STAC: variants seen among roughly 807,000 people sequenced by gnomAD.
The protein encoded by STAC is SH3 and cysteine-rich domain-containing protein.
In STAC, 43 loss-of-function variants were observed where a neutral mutation model predicts 48.8. The ratio of observed to expected loss-of-function variants is 0.88; its 90% CI spans 0.69 to 1.14. The LOEUF is 1.14. STAC is among the 50% of genes most tolerant of loss of function. The pLI, the probability that STAC is intolerant of heterozygous loss-of-function variation, is 0.00. For synonymous variants in STAC, 193 were observed against 179.5 expected, an observed-to-expected ratio of 1.07 and a Z score of -0.60; for missense variants, 497 against 504.0, an observed-to-expected ratio of 0.99 and a Z score of 0.13.
intron 8 of STAC, among the ~76,000 whole-genome samples, chr3:36,516,261 C>T (rs111235138): frequency 0.077 from 11,626 of 151,968 alleles, 641 homozygotes; most frequent in African/African-American, 0.14. Context: ...GTATTACAGG[C>T]GCGAACCACC....
intron 2 of STAC, among the ~76,000 whole-genome samples, chr3:36,456,143 G>C (rs1696849762): frequency 6.6e-6 from 1 of 151,882 alleles, no homozygotes; most frequent in South Asian, 2.1e-4. Context: ...TGGTTTAAAG[G>C]GTTCATATCC....
At chr3:36,425,861 T>C (rs112295222) in intron 1 of STAC, among the ~76,000 whole-genome samples, 2 of 152,150 alleles carry the variant, frequency 1.3e-5, no homozygotes, top group African/African-American at 4.8e-5. Flanking sequence ...ACCCTGTCTC[T>C]ACCAAAAATA....
At chr3:36,545,432 A>G (rs1699422895) in intron 10 of STAC, among the ~76,000 whole-genome samples, 1 of 152,098 alleles carries the variant, frequency 6.6e-6, no homozygotes, top group African/African-American at 2.4e-5. Context: ...TGTACAAGGA[A>G]CCCTGTGTCA....
At chr3:36,448,044 T>C (rs968561578) in intron 2 of STAC, among the ~76,000 whole-genome samples, 2 of 152,172 alleles carry the variant, frequency 1.3e-5, no homozygotes, top group Non-Finnish European at 2.9e-5. Context: ...GCTACTTTAC[T>C]ACTACAGGAC....
chr3:36,380,636 C>A lies in STAC; in HGVS notation c.-8C>A, dbSNP rs748054421. On this transcript the variant is annotated 5_prime_UTR_variant, in exon 1 of 11. Transcript: ENST00000273183. ...CCGGGAGCCCAACACCGTTCCCGCG[C>A]GGCCACGATGATCCCTCCGAGCAGC... 1.3e-6 allele frequency: 2 copies of A among 1,577,486 alleles called. No homozygotes were observed. Among genetic ancestry groups the A allele is most frequent in the Non-Finnish European group, 1.7e-6 (2 of 1,160,428 alleles).
chr3:36,431,908 G>A (rs1178671384), intron 1 of STAC, among the ~76,000 whole-genome samples: 1 of 152,076 alleles, frequency 6.6e-6, no homozygotes, highest in Non-Finnish European at 1.5e-5. Flanking sequence ...GTAGAAAAAA[G>A]GGCTATTATT....
intron 1 of STAC, among the ~76,000 whole-genome samples, chr3:36,398,649 AGAGAAAGAAAGGAAGGAAGGAAG>A (rs1699934902): frequency 8.8e-6 from 1 of 114,246 alleles, no homozygotes; most frequent in African/African-American, 3.1e-5. Flanking sequence ...AAAGAAAGAA[AGAGAAAGAAAGGAAGGAAGGAAG>A]GAAAGAAAGA....
At chr3:36,511,409 G>T (rs181553543) in intron 8 of STAC, among the ~76,000 whole-genome samples, 5 of 152,260 alleles carry the variant, frequency 3.3e-5, no homozygotes, top group African/African-American at 1.2e-4. Context: ...TCAAGGAAAA[G>T]ACTTCTGCTT....
chr3:36,400,923 A>T (rs1699988566), intron 1 of STAC, among the ~76,000 whole-genome samples: 1 of 152,206 alleles, frequency 6.6e-6, no homozygotes, highest in Non-Finnish European at 1.5e-5. Flanking sequence ...GGATGGCCAG[A>T]ATTAATTCAT....
Position 36,533,475 on chromosome 3 carries a change from G to GTTTTTTT in STAC, c.1110+4511_1110+4517dup, listed in dbSNP as rs58981589. Among the ~76,000 whole-genome samples the GTTTTTTT allele has an allele frequency of 8.1e-5, 5 of 61,430 alleles. 1 individual carries two copies. Among genetic ancestry groups the GTTTTTTT allele is most frequent in the African/African-American group, 3.2e-4 (5 of 15,604 alleles). The allele number at this position is 61,430 out of a possible 152,430, so 40.3% of individuals were successfully genotyped here. On this transcript the variant is annotated intron_variant, in intron 10 of 10. Transcript: ENST00000273183. ...TGTTACTCAATAATCTTGCTAGCAT[G>GTTTTTTT]TTTTTTTTTTTTTTTTTTTTTTTTT... is the stretch of plus-strand genomic sequence containing the variant.
At chr3:36,505,895 G>T in intron 8 of STAC, 61 bp downstream of exon 8, 1 of 1,170,902 alleles carries the variant, frequency 8.5e-7, no homozygotes, top group South Asian at 1.4e-5. Context: ...TTCTCCATGT[G>T]AAAAAGTAAG....
chr3:36,512,218 A>G (rs1381455407), intron 8 of STAC, among the ~76,000 whole-genome samples: 1 of 152,180 alleles, frequency 6.6e-6, no homozygotes, highest in Admixed American at 6.6e-5. Context: ...ACAGTCTAGC[A>G]TAATCAGTGG....
intron 8 of STAC, 72 bp downstream of exon 8, chr3:36,505,906 T>C (rs1302272928): frequency 2.0e-6 from 2 of 1,020,524 alleles, no homozygotes; most frequent in Non-Finnish European, 2.9e-6. Context: ...AAAAAGTAAG[T>C]CCATCTGTGC....
intron 1 of STAC, among the ~76,000 whole-genome samples, chr3:36,400,861 T>C (rs73056094): frequency 0.023 from 3,550 of 152,284 alleles, 60 homozygotes; most frequent in East Asian, 0.026. Context: ...GGCTTGTCTG[T>C]AGATATTCCC....
intron 1 of STAC, among the ~76,000 whole-genome samples, chr3:36,405,978 C>T (rs1370021662): frequency 2.6e-5 from 4 of 152,206 alleles, no homozygotes; most frequent in Non-Finnish European, 5.9e-5. Flanking sequence ...ATGCCTCAGC[C>T]TCCCAAAGTT....
In STAC at chr3:36,453,755, AGCTGGG is replaced by A. The variant is rs1189084303; in HGVS notation, c.388+10116_388+10121del. 4.1e-3 allele frequency among the ~76,000 whole-genome samples: 115 copies of A among 28,068 alleles called. 51 individuals carry two copies. The highest frequency in any genetic ancestry group is 0.029 in the Middle Eastern group (2 of 70). 18.4% of individuals were successfully genotyped at this position (28,068 alleles called of 152,430 possible). A position where few individuals can be genotyped will look rare whatever the true frequency, so the allele number is the denominator to read the frequency against. On this transcript the variant is annotated intron_variant, in intron 2 of 10. Transcript: ENST00000273183. ...GGTGCGGGATCCACTGGGTGAAGCC[AGCTGGG>A]CTCCTGAGTCTGGTGGGGACGTGGA...
intron 1 of STAC, among the ~76,000 whole-genome samples, chr3:36,392,832 C>G (rs564692019): frequency 2.6e-5 from 4 of 152,188 alleles, no homozygotes; most frequent in Admixed American, 2.6e-4. Context: ...TCAGCAGTCA[C>G]CTCCCAATCC....
intron 2 of STAC, among the ~76,000 whole-genome samples, chr3:36,475,926 G>A (rs1464398257): frequency 6.6e-6 from 1 of 152,200 alleles, no homozygotes; most frequent in South Asian, 2.1e-4. Context: ...TGGGAGGTTG[G>A]AGAGTTCTAG....
intron 8 of STAC, among the ~76,000 whole-genome samples, chr3:36,515,385 G>T (rs141959570): frequency 6.6e-6 from 1 of 152,254 alleles, no homozygotes; most frequent in East Asian, 1.9e-4. Context: ...TTGAGAATGT[G>T]CCTGGGAAAA....
Sources: gnomAD v4.1 joint callset for allele counts (sites outside exome capture counted in the v4.1 genomes callset) on GRCh38, gnomAD v4.1.1 for gene constraint, MANE v1.5 for transcripts, NCBI Gene and HGNC (gene_info 2026-07-23, HGNC 2026-07-21) for gene names.